The following UIMC1 variants were observed in gnomAD, a reference collection of about 807,000 sequenced individuals.
UIMC1 encodes the protein BRCA1-A complex subunit RAP80.
A neutral mutation model predicts 84.9 loss-of-function variants in UIMC1; 42 were observed. The observed-to-expected ratio is 0.49, with a 90% CI of 0.39 to 0.64. The LOEUF is 0.64. UIMC1 is among the 30% of genes least tolerant of loss of function. The pLI, the probability that UIMC1 is intolerant of heterozygous loss-of-function variation, is 0.00. For synonymous variants in UIMC1, 281 were observed against 293.0 expected (o/e 0.96, Z 0.42); for missense variants, 825 against 847.6 (o/e 0.97, Z 0.33).
intron 8 of UIMC1, among the ~76,000 whole-genome samples, chr5:176,953,495 T>TAC (rs137955830): frequency 0.051 from 6,930 of 136,894 alleles, 226 homozygotes; most frequent in East Asian, 0.12. Flanking sequence ...ACTGGACACA[T>TAC]ACACACACAC....
At chr5:177,016,444 A>G (rs1352491172) in intron 1 of UIMC1, among the ~76,000 whole-genome samples, 1 of 151,856 alleles carries the variant, frequency 6.6e-6, no homozygotes, top group Non-Finnish European at 1.5e-5. Flanking sequence ...GTAATTCCAG[A>G]ACTTTGGGAG....
At chr5:176,984,444 C>G (rs10079061) in intron 1 of UIMC1, among the ~76,000 whole-genome samples, 3 of 144,984 alleles carry the variant, frequency 2.1e-5, no homozygotes, top group African/African-American at 8.0e-5. Flanking sequence ...CGCCTCTGCC[C>G]GGCTGCCTAT....
At chr5:176,923,582 G>A (rs190611034) in intron 10 of UIMC1, among the ~76,000 whole-genome samples, 2 of 150,060 alleles carry the variant, frequency 1.3e-5, no homozygotes, top group African/African-American at 2.4e-5. Flanking sequence ...AAGAAAATAA[G>A]GTCGGGCACG....
upstream of UIMC1, among the ~76,000 whole-genome samples, chr5:177,007,133 G>T (rs948198185): frequency 7.9e-5 from 12 of 152,120 alleles, no homozygotes; most frequent in African/African-American, 2.9e-4. Context: ...CTGAGGTCGG[G>T]AGTTCGAGAC....
At chr5:176,999,157 C>T (rs975043559) in intron 1 of UIMC1, among the ~76,000 whole-genome samples, 1 of 152,184 alleles carries the variant, frequency 6.6e-6, no homozygotes, top group African/African-American at 2.4e-5. Context: ...AGTGACAGAG[C>T]AAGATCCTGT....
chr5:176,913,754 A>C (rs1396321487), intron 10 of UIMC1, among the ~76,000 whole-genome samples: 1 of 152,240 alleles, frequency 6.6e-6, no homozygotes, highest in African/African-American at 2.4e-5. Flanking sequence ...AGGCGGGCAG[A>C]TCACTTGAGA....
At chr5:177,002,807 T>C (rs1774723135) in intron 1 of UIMC1, among the ~76,000 whole-genome samples, 1 of 151,886 alleles carries the variant, frequency 6.6e-6, no homozygotes, top group South Asian at 2.1e-4. Flanking sequence ...AAAATAATAA[T>C]AATAATAATA....
intron 9 of UIMC1, among the ~76,000 whole-genome samples, chr5:176,943,972 A>G (rs1259029399): frequency 6.6e-6 from 1 of 152,224 alleles, no homozygotes; most frequent in Non-Finnish European, 1.5e-5. Context: ...ACCACATTGT[A>G]AGGCACAATC....
At chr5:176,906,543 A>G (rs1759408568) in intron 13 of UIMC1, among the ~76,000 whole-genome samples, 1 of 152,252 alleles carries the variant, frequency 6.6e-6, no homozygotes, top group East Asian at 1.9e-4. Flanking sequence ...AACAACAGTA[A>G]TAATAGCAGC....
intron 10 of UIMC1, among the ~76,000 whole-genome samples, chr5:176,942,864 G>A (rs1018204344): frequency 1.3e-5 from 2 of 151,680 alleles, no homozygotes; most frequent in East Asian, 1.9e-4. Flanking sequence ...AGAGCAGCCT[G>A]GCCAACATGG....
At position 176,905,326 on chromosome 5, in the gene UIMC1, G is replaced by GGTT. The variant is rs1561695978; in HGVS notation, c.2115_2116insAAC (p.Ser705_Arg706insAsn). ...CCTCTGCCAGCTTTGGTCCGTGTCC[G>GGTT]ACTACCTGGCTGGACAGTAACTTGC... On this transcript the variant is annotated inframe_insertion, in exon 15 of 15. Coordinates refer to ENST00000511320, the MANE Select transcript of UIMC1 (RefSeq NM_001199298.2). 1.2e-6 allele frequency: 2 copies of GGTT among 1,614,024 alleles called. No homozygotes were observed. Among genetic ancestry groups the GGTT allele is most frequent in the Admixed American group, 3.3e-5 (2 of 60,014 alleles).
At chr5:177,018,355 A>AAAAAAAAAAAC (rs547542500) in intron 1 of UIMC1, among the ~76,000 whole-genome samples, 1 of 151,878 alleles carries the variant, frequency 6.6e-6, no homozygotes, top group South Asian at 2.1e-4. Flanking sequence ...GTCTCAAAAA[A>AAAAAAAAAAAC]AAAAGAAAAG....
chr5:176,917,159 T>C (rs1360035202), intron 10 of UIMC1, among the ~76,000 whole-genome samples: 1 of 152,058 alleles, frequency 6.6e-6, no homozygotes, highest in Non-Finnish European at 1.5e-5. Flanking sequence ...ACTTCTTCAG[T>C]GGGATATAAG....
chr5:176,951,898 C>T (rs183494257), intron 8 of UIMC1, among the ~76,000 whole-genome samples: 1 of 152,334 alleles, frequency 6.6e-6, no homozygotes, highest in Admixed American at 6.5e-5. Flanking sequence ...CTGTACCCCT[C>T]TGCAGTCAAT....
chr5:176,944,690 G>A (rs967738848), intron 9 of UIMC1, among the ~76,000 whole-genome samples: 1 of 152,240 alleles, frequency 6.6e-6, no homozygotes, highest in African/African-American at 2.4e-5. Context: ...TTTGGGGTAA[G>A]AGGTTGGGGC....
At chr5:176,946,373 G>C (rs563101125) in intron 9 of UIMC1, among the ~76,000 whole-genome samples, 2 of 152,130 alleles carry the variant, frequency 1.3e-5, no homozygotes, top group African/African-American at 4.8e-5. Flanking sequence ...TTAGCTGGGC[G>C]TGGTGGCACG....
intron 7 of UIMC1, 122 bp downstream of exon 7, chr5:176,957,971 C>A: frequency 1.3e-6 from 1 of 761,644 alleles, no homozygotes; most frequent in South Asian, 3.4e-5. Flanking sequence ...TCCTAGTCTT[C>A]ACTTATAAAA....
At chr5:176,992,808 A>T (rs756278889) in intron 1 of UIMC1, among the ~76,000 whole-genome samples, 1 of 152,028 alleles carries the variant, frequency 6.6e-6, no homozygotes, top group African/African-American at 2.4e-5. Flanking sequence ...CCCGTATCAA[A>T]AAAGAAAACA....
intron 11 of UIMC1, among the ~76,000 whole-genome samples, chr5:176,910,984 G>A (rs1760068047): frequency 6.6e-6 from 1 of 152,020 alleles, no homozygotes; most frequent in African/African-American, 2.4e-5. Flanking sequence ...AGCTACTTGG[G>A]AGGCTGAGAC....
Sources: gnomAD v4.1 joint callset for allele counts (sites outside exome capture counted in the v4.1 genomes callset) on GRCh38, gnomAD v4.1.1 for gene constraint, MANE v1.5 for transcripts, NCBI Gene and HGNC (gene_info 2026-07-23, HGNC 2026-07-21) for gene names.